Variants in GAN observed in about 807,000 individuals in gnomAD.
The protein encoded by GAN is gigaxonin, also known as epididymis secretory sperm binding protein.
Under a neutral mutation model 71.3 loss-of-function variants are expected in GAN, and 48 were observed. That is an observed-to-expected ratio of 0.67 (90% CI 0.53 to 0.86). GAN has a LOEUF of 0.86. Ranked by LOEUF, GAN falls within the 40% of genes least tolerant of loss-of-function variation. The probability of loss-of-function intolerance (pLI) is 0.00; values close to 1 mark genes in which losing one functional copy is unlikely to be tolerated. For synonymous variants in GAN, 386 were observed against 276.8 expected (o/e 1.39, Z -3.92); for missense variants, 928 against 770.1 (o/e 1.21, Z -2.43).
chr16:81,375,595 G>A (rs183686371), intron 9 of GAN, among the ~76,000 whole-genome samples: 1 of 151,868 alleles, frequency 6.6e-6, no homozygotes, highest in East Asian at 1.9e-4. Flanking sequence ...CAAAGTATTG[G>A]GATTGCAGAC....
At position 81,381,604 on chromosome 16, in the gene GAN, C is replaced by G. The variant is rs1904305413; in HGVS notation, c.*4008C>G. The G allele has an allele frequency of 6.6e-6, 1 of 152,260 alleles. No homozygotes were observed. The highest frequency in any genetic ancestry group is 2.4e-5 in the African/African-American group (1 of 41,438). The allele number at this position is 152,260 out of a possible 1,614,324, so 9.4% of individuals were successfully genotyped here. ...CCCACTAGGAACTGTGCTTGCCATC[C>G]TGGGAGCTGAACAGTGAGGCAGAGG... On this transcript the variant is annotated 3_prime_UTR_variant, in exon 11 of 11. Coordinates refer to ENST00000648994, the MANE Select transcript of GAN (RefSeq NM_022041.4).
chr16:81,354,854 G>A (rs939854441), intron 3 of GAN, 99 bp downstream of exon 3: 17 of 730,320 alleles, frequency 2.3e-5, no homozygotes, highest in South Asian at 9.5e-5. Context: ...AAAGACTTAC[G>A]ATGCAGCAAT....
chr16:81,318,739 G>T (rs1909127171), intron 1 of GAN, among the ~76,000 whole-genome samples: 1 of 152,156 alleles, frequency 6.6e-6, no homozygotes, highest in African/African-American at 2.4e-5. Context: ...ATATTAGAAA[G>T]ATTTTAAATA....
intron 1 of GAN, among the ~76,000 whole-genome samples, chr16:81,345,073 A>G (rs924461707): frequency 6.6e-6 from 1 of 152,224 alleles, no homozygotes; most frequent in Non-Finnish European, 1.5e-5. Context: ...ACCAGTTAGA[A>G]CGGCGATCAT....
intron 9 of GAN, among the ~76,000 whole-genome samples, chr16:81,372,586 C>A (rs576179672): frequency 6.6e-6 from 1 of 152,176 alleles, no homozygotes; most frequent in African/African-American, 2.4e-5. Context: ...AGATCACCTA[C>A]GCGTATTTTT....
In GAN at chr16:81,383,948, G is replaced by T. The variant is rs1904330598; in HGVS notation, c.*6352G>T. 1 of 151,972 alleles carries T rather than the reference G, an allele frequency of 6.6e-6. No homozygotes were observed. 9.4% of individuals were successfully genotyped at this position (151,972 alleles called of 1,614,324 possible). On this transcript the variant is annotated 3_prime_UTR_variant, in exon 11 of 11. Transcript: ENST00000648994. ...ATTTCATTACAAGTAATAGGTTTGG[G>T]TACCTTATTTTTATTGTTTTTACTC...
intron 3 of GAN, among the ~76,000 whole-genome samples, chr16:81,356,422 A>G (rs1197727620): frequency 6.6e-6 from 1 of 152,182 alleles, no homozygotes; most frequent in African/African-American, 2.4e-5. Context: ...TTGTATAAAC[A>G]TGATTTAACT....
chr16:81,377,604 G>A lies in GAN; in HGVS notation c.*8G>A, dbSNP rs779754012. On this transcript the variant is annotated 3_prime_UTR_variant, in exon 11 of 11. Transcript: ENST00000648994. ...CGTGTTCATTCCCCTTGAGGAGGAA[G>A]CAGAGCAGAGTGCGAGATCCTGACC... 13 of 1,612,812 alleles carry A rather than the reference G, an allele frequency of 8.1e-6. No individual in the cohort carries two copies. The African/African-American group carries it at 1.5e-4, about 18-fold the overall frequency.
At chr16:81,316,490 T>A (rs989267890) in intron 1 of GAN, among the ~76,000 whole-genome samples, 1 of 16,112 alleles carries the variant, frequency 6.2e-5, no homozygotes, top group Admixed American at 5.8e-4. Flanking sequence ...TGTGGAGGGG[T>A]GGGGGGGCGG....
intron 6 of GAN, among the ~76,000 whole-genome samples, chr16:81,363,177 C>A (rs1050931912): frequency 6.6e-6 from 1 of 152,242 alleles, no homozygotes; most frequent in African/African-American, 2.4e-5. Context: ...GCCCTTTCTG[C>A]CATAGTTTAT....
At chr16:81,367,259 C>T (rs1910889958) in intron 9 of GAN, among the ~76,000 whole-genome samples, 1 of 152,070 alleles carries the variant, frequency 6.6e-6, no homozygotes, top group Non-Finnish European at 1.5e-5. Context: ...GCACTGGCTC[C>T]AGGCTATAAT....
intron 1 of GAN, among the ~76,000 whole-genome samples, chr16:81,349,359 A>G (rs1345512238): frequency 6.6e-6 from 1 of 152,120 alleles, no homozygotes; most frequent in Non-Finnish European, 1.5e-5. Flanking sequence ...AGCATATGAA[A>G]TTTCATTGGC....
intron 7 of GAN, among the ~76,000 whole-genome samples, chr16:81,364,457 G>T (rs977539105): frequency 6.6e-6 from 1 of 152,156 alleles, no homozygotes; most frequent in Non-Finnish European, 1.5e-5. Context: ...AGTAGAGATA[G>T]GGTTTCACTA....
In GAN at chr16:81,383,073, CAGGCATG is replaced by C. The variant is rs1346328820; in HGVS notation, c.*5480_*5486del. On this transcript the variant is annotated 3_prime_UTR_variant, in exon 11 of 11. Transcript: ENST00000648994. ...AGATGTGGAGACCCAGCTGGGACTA[CAGGCATG>C]AGCCACCACGCTCCGTAGAAAGTTT... is the stretch of plus-strand genomic sequence containing the variant. 2 of 152,068 alleles carry C rather than the reference CAGGCATG, an allele frequency of 1.3e-5. No individual in the cohort carries two copies. The highest frequency in any genetic ancestry group is 4.8e-5 in the African/African-American group (2 of 41,404). The allele number at this position is 152,068 out of a possible 1,614,324, so 9.4% of individuals were successfully genotyped here. A position where few individuals can be genotyped will look rare whatever the true frequency, so the allele number is the denominator to read the frequency against.
rs1203810610 is a variant in GAN, at chr16:81,365,458, C to G, written c.1482C>G (p.Phe494Leu). The change falls in exon 9 of 11, where the codon TTC becomes TTG. Residue 494 changes from phenylalanine to leucine, a missense_variant. Transcript: ENST00000648994. ...GSEMVTCKSEFYHDEFKRWIY... is the reference protein window; with the variant it reads ...GSEMVTCKSELYHDEFKRWIY... ...AGATGGTAACTTGCAAGTCCGAGTT[C>G]TACCATGATGAGTTTAAAAGGTAAC... 4 of 1,613,642 alleles carry G rather than the reference C, an allele frequency of 2.5e-6. No homozygotes were observed. The East Asian group carries it at 8.9e-5, about 36-fold the overall frequency.
At chr16:81,363,762 T>A (rs1910756126) in intron 6 of GAN, 32 bp from the exon 7 acceptor site, 1 of 1,606,094 alleles carries the variant, frequency 6.2e-7, no homozygotes, top group East Asian at 2.2e-5. Context: ...TCATTGGCCT[T>A]GTGTGTTCAG....
rs1204269118 is a variant in GAN, at chr16:81,379,212, C to T, written c.*1616C>T. The T allele has an allele frequency of 6.6e-6, 1 of 152,134 alleles. No individual in the cohort carries two copies. The highest frequency in any genetic ancestry group is 1.5e-5 in the Non-Finnish European group (1 of 68,022). The allele number at this position is 152,134 out of a possible 1,614,324, so 9.4% of individuals were successfully genotyped here. On this transcript the variant is annotated 3_prime_UTR_variant, in exon 11 of 11. Coordinates refer to ENST00000648994, the MANE Select transcript of GAN (RefSeq NM_022041.4). ...GCATATGAAAAACATCACTTACGTTCTCCCACCCATAGACATAAAAAAGGG... is the reference window on the plus strand; with the variant it reads ...GCATATGAAAAACATCACTTACGTTTTCCCACCCATAGACATAAAAAAGGG...
chr16:81,333,113 G>C (rs542198495), intron 1 of GAN, among the ~76,000 whole-genome samples: 1 of 152,016 alleles, frequency 6.6e-6, no homozygotes, highest in Admixed American at 6.6e-5. Flanking sequence ...TAGGTGGCAC[G>C]CACCTGTAGT....
At chr16:81,376,587 A>G (rs560627755) in intron 9 of GAN, among the ~76,000 whole-genome samples, 1 of 150,008 alleles carries the variant, frequency 6.7e-6, no homozygotes, top group South Asian at 2.1e-4. Flanking sequence ...GTATATATGT[A>G]TGTATAAGTA....
Sources: gnomAD v4.1 joint callset for allele counts (sites outside exome capture counted in the v4.1 genomes callset) on GRCh38, gnomAD v4.1.1 for gene constraint, MANE v1.5 for transcripts, NCBI Gene and HGNC (gene_info 2026-07-23, HGNC 2026-07-21) for gene names.